Variants in ODAD2 observed in about 807,000 individuals in gnomAD.
The protein encoded by ODAD2 is outer dynein arm docking complex subunit 2, also known as outer dynein arm-docking complex subunit 2.
In ODAD2, 89 loss-of-function variants were observed where a neutral mutation model predicts 106.8. That is an observed-to-expected ratio of 0.83 (90% confidence interval 0.70 to 0.99). The LOEUF is 0.99. Ranked by LOEUF, ODAD2 falls within the 50% of genes least tolerant of loss-of-function variation. The pLI, the probability that ODAD2 is intolerant of heterozygous loss-of-function variation, is 0.00. For missense variants in ODAD2, 1,168 were observed against 1,238.5 expected (o/e 0.94, Z 0.85); for synonymous variants, 404 against 436.2 (o/e 0.93, Z 0.92).
chr10:27,956,111 CA>C (rs1191718023), intron 10 of ODAD2, among the ~76,000 whole-genome samples: 1 of 152,100 alleles, frequency 6.6e-6, no homozygotes, highest in Admixed American at 6.5e-5. Flanking sequence ...ACAGAACAAA[CA>C]AATTAGGCTA....
At chr10:27,905,881 G>T (rs943643596) in intron 17 of ODAD2, among the ~76,000 whole-genome samples, 5 of 152,132 alleles carry the variant, frequency 3.3e-5, no homozygotes, top group Non-Finnish European at 7.4e-5. Flanking sequence ...ATGGATTAAA[G>T]ACTTAAATGT....
intron 17 of ODAD2, among the ~76,000 whole-genome samples, chr10:27,891,040 C>G (rs1458227040): frequency 6.6e-6 from 1 of 152,148 alleles, no homozygotes; most frequent in Non-Finnish European, 1.5e-5. Flanking sequence ...TAGCAATATT[C>G]CTAGCATGAA....
At chr10:27,897,286 A>G (rs1048270263) in intron 17 of ODAD2, among the ~76,000 whole-genome samples, 6 of 152,042 alleles carry the variant, frequency 3.9e-5, no homozygotes, top group African/African-American at 1.4e-4. Flanking sequence ...CCCTACTCAT[A>G]TATCTCCATC....
chr10:27,984,247 G>C lies in ODAD2; in HGVS notation c.619C>G (p.Leu207Val), dbSNP rs766237759. The C allele has an allele frequency of 6.2e-7, 1 of 1,613,704 alleles. No individual in the cohort carries two copies. Among genetic ancestry groups the C allele is most frequent in the South Asian group, 1.1e-5 (1 of 91,058 alleles). Reference sequence around the variant, plus strand: ...CCTTTTCCTGAGAAACGTTTGAGCAGTTCTATATCCTTCTTCACCGTCATG... The same window carrying C: ...CCTTTTCCTGAGAAACGTTTGAGCACTTCTATATCCTTCTTCACCGTCATG... The part of the protein sequence containing the change: ...SPMTVKKDIE[L>V]LKRFSGKGNQ... Residue 207 changes from leucine (L) to valine (V), a missense_variant, in exon 5 of 20, where the codon CTG (leucine) becomes GTG (valine). By Grantham distance (32) the Leu-to-Val change is conservative. Around this residue, in one of 3 missense-constraint regions of ODAD2, gnomAD observed 430 missense variants for 452.2 expected, o/e 0.95. Transcript: ENST00000305242.
chr10:27,930,619 T>A (rs1307339023), intron 16 of ODAD2, among the ~76,000 whole-genome samples: 1 of 148,280 alleles, frequency 6.7e-6, no homozygotes, highest in Non-Finnish European at 1.5e-5. Context: ...AGAGCCAGAC[T>A]CTGTCTCAAA....
In ODAD2 at chr10:27,874,706, G is replaced by A. The variant is rs187482427; in HGVS notation, c.2611-12084C>T. 2.0e-5 allele frequency among the ~76,000 whole-genome samples: 3 copies of A among 152,292 alleles called. 1 individual carries two copies. Among genetic ancestry groups the A allele is most frequent in the Non-Finnish European group, 1.5e-5 (1 of 68,028 alleles). On this transcript the variant is annotated intron_variant, in intron 17 of 19. Transcript: ENST00000305242. ...CCTCCACTCCCTTTTGTCTTGTAGG[G>A]TTTCTGCCGAGAGATCCACTGTTAG...
intron 3 of ODAD2, 43 bp from the exon 4 acceptor site, chr10:27,985,254 T>C (rs1564578876): frequency 7.1e-7 from 1 of 1,414,354 alleles, no homozygotes; most frequent in Admixed American, 2.6e-5. Flanking sequence ...AATTATCCAC[T>C]TGTCTTCTAG....
In ODAD2 at chr10:27,885,813, TATATATAATATATAAATATA is replaced by T. The variant is rs1564466879; in HGVS notation, c.2610+21830_2610+21849del. Among the ~76,000 whole-genome samples the T allele has an allele frequency of 6.9e-4, 38 of 55,370 alleles. 1 individual carries two copies. Among genetic ancestry groups the T allele is most frequent in the African/African-American group, 2.4e-3 (35 of 14,636 alleles). 36.3% of individuals were successfully genotyped at this position (55,370 alleles called of 152,430 possible). On this transcript the variant is annotated intron_variant, in intron 17 of 19. Transcript: ENST00000305242. ...TATATAATATATATAAAATATATAT[TATATATAATATATAAATATA>T]TATATTTGTTTGGATATATATATTT...
chr10:27,857,447 C>T (rs977410346), intron 19 of ODAD2, among the ~76,000 whole-genome samples: 1 of 152,048 alleles, frequency 6.6e-6, no homozygotes, highest in African/African-American at 2.4e-5. Context: ...GGTCATGACC[C>T]CTAACTCCTG....
chr10:27,962,790 G>A (rs1848228208), intron 9 of ODAD2, among the ~76,000 whole-genome samples: 1 of 152,038 alleles, frequency 6.6e-6, no homozygotes, highest in Non-Finnish European at 1.5e-5. Context: ...CGGATGCCAG[G>A]TTACTGCCAT....
intron 19 of ODAD2, among the ~76,000 whole-genome samples, chr10:27,835,466 TTC>T (rs892865543): frequency 6.6e-6 from 1 of 151,872 alleles, no homozygotes; most frequent in Non-Finnish European, 1.5e-5. Flanking sequence ...GGCAGGTGTG[TTC>T]TCTCTCTCTC....
chr10:27,939,895 A>T lies in ODAD2; in HGVS notation c.2097+2T>A. Reference sequence around the variant, plus strand: ...AACAACCGCTGGGAGAGTTCACTGCACCTGGTAAATGGCCATGGCGCAGTG... The same window carrying T: ...AACAACCGCTGGGAGAGTTCACTGCTCCTGGTAAATGGCCATGGCGCAGTG... On this transcript the variant is annotated splice_donor_variant, in intron 14 of 19. Transcript: ENST00000305242. LOFTEE classifies it high-confidence loss of function. The T allele has an allele frequency of 1.9e-6, 3 of 1,585,134 alleles. No homozygotes were observed. The South Asian group carries it at 3.4e-5, about 18-fold the overall frequency.
rs1295222166 is a variant in ODAD2, at chr10:27,824,085, G to C, written c.3022-11460C>G. ...AACCCCAGGGGGCGGAGCCTGCAGT[G>C]AGCCGAGATTGCGCCACTGCACTCC... On this transcript the variant is annotated intron_variant, in intron 19 of 19. Transcript: ENST00000305242. 1.9e-5 allele frequency among the ~76,000 whole-genome samples: 2 copies of C among 106,174 alleles called. 1 individual carries two copies. The highest frequency in any genetic ancestry group is 1.1e-4 in the African/African-American group (2 of 18,522). 69.7% of individuals were successfully genotyped at this position (106,174 alleles called of 152,430 possible). A position where few individuals can be genotyped will look rare whatever the true frequency, so the allele number is the denominator to read the frequency against.
rs555999422 is a variant in ODAD2 at position 27,879,255 on chromosome 10, T to A, written c.2611-16633A>T. On this transcript the variant is annotated intron_variant, in intron 17 of 19. Coordinates refer to ENST00000305242, the MANE Select transcript of ODAD2 (RefSeq NM_018076.5). The stretch of plus-strand genomic sequence containing the variant: ...AGGTCTAAATTGTGAGGTACCATTG[T>A]GTAACCAGAGGCTTACAGAGTTAAT... Among the ~76,000 whole-genome samples the A allele has an allele frequency of 1.4e-4, 22 of 152,236 alleles. No homozygotes were observed. The South Asian group carries it at 1.9e-3, about 13-fold the overall frequency.
At chr10:27,932,199 G>GTAC (rs1163189106) in intron 16 of ODAD2, among the ~76,000 whole-genome samples, 3 of 152,078 alleles carry the variant, frequency 2.0e-5, no homozygotes, top group Non-Finnish European at 4.4e-5. Context: ...GCCTCCCAAA[G>GTAC]TACTGGGATT....
At position 27,936,870 on chromosome 10, in the gene ODAD2, T is replaced by A. The variant is rs750757328; in HGVS notation, c.2108A>T (p.Asp703Val). 4.4e-6 allele frequency: 7 copies of A among 1,606,002 alleles called. No homozygotes were observed. The South Asian group carries it at 7.8e-5, about 18-fold the overall frequency. The change falls in exon 15 of 20, where the codon GAT (aspartate) becomes GTT (valine). Residue 703 changes from aspartate (D) to valine (V), a missense_variant. Asp to Val is a radical substitution (Grantham distance 152). Transcript: ENST00000305242. Reference protein sequence around the residue: ...CAMAIYQCAEDKETRDLVRLH... With the variant: ...CAMAIYQCAEVKETRDLVRLH... ...CCTAACGAGGTCCCGGGTTTCCTTA[T>A]CTTCAGCACACTGCACGAAAAGTCA... is the stretch of plus-strand genomic sequence containing the variant.
chr10:27,817,441 A>G (rs1020524152), intron 19 of ODAD2, among the ~76,000 whole-genome samples: 92 of 152,266 alleles, frequency 6.0e-4, no homozygotes, highest in African/African-American at 2.2e-3. Context: ...TAATGCACCC[A>G]CCACCCATAT....
intron 17 of ODAD2, among the ~76,000 whole-genome samples, chr10:27,871,902 GGTA>G (rs1158880102): frequency 6.6e-6 from 1 of 152,116 alleles, no homozygotes; most frequent in African/African-American, 2.4e-5. Context: ...GAAAGTCATT[GGTA>G]GTTTCATGGA....
chr10:27,982,541 A>C (rs1041246226), intron 6 of ODAD2, among the ~76,000 whole-genome samples: 8 of 152,152 alleles, frequency 5.3e-5, no homozygotes, highest in Non-Finnish European at 1.2e-4. Context: ...TTATTTGTCT[A>C]CTGCCTCTTT....
Sources: allele counts gnomAD v4.1 joint callset (sites outside exome capture counted in the v4.1 genomes callset), GRCh38; gene constraint gnomAD v4.1.1; regional missense constraint gnomAD v4.1.1; transcripts MANE v1.5; gene names NCBI Gene and HGNC (gene_info 2026-07-23, HGNC 2026-07-21).